C7: variants seen among roughly 807,000 people sequenced by gnomAD.
The protein encoded by C7 is complement component C7.
C7 carries 83 observed loss-of-function variants against 104.8 expected under a neutral mutation model. The observed-to-expected ratio is 0.79, with a 90% CI of 0.66 to 0.95. The LOEUF (loss-of-function observed/expected upper bound fraction) is 0.95. C7 is among the 40% of genes least tolerant of loss of function. The probability of loss-of-function intolerance (pLI) is 0.00; values close to 1 mark genes in which losing one functional copy is unlikely to be tolerated. For missense variants in C7, 1,070 were observed against 1,011.2 expected (o/e 1.06, Z -0.79); for synonymous variants, 415 against 360.6 (o/e 1.15, Z -1.71).
Position 40,962,170 on chromosome 5 carries a change from C to G in C7, c.1747C>G (p.Gln583Glu). 6.5e-7 allele frequency: 1 copy of G among 1,539,138 alleles called. No individual in the cohort carries two copies. ...TCCTGCCTTGAAAGATGGATTTGTT[C>G]AAGTTGGTTATGAAAGATATTTTTT... ...SPPALKDGFV[Q>E]DEGTMFPVGK... Residue 583 changes from glutamine to glutamate, a missense_variant and splice_region_variant, in exon 13 of 18, where the codon CAA becomes GAA. Transcript: ENST00000313164.
At chr5:40,959,822 AGGC>A (rs1322509432) in intron 12 of C7, among the ~76,000 whole-genome samples, 1 of 152,202 alleles carries the variant, frequency 6.6e-6, no homozygotes, top group Non-Finnish European at 1.5e-5. Flanking sequence ...GTGTTACAAA[AGGC>A]TGGGTAACTG....
At chr5:40,957,773 T>TGC (rs70988821) in intron 10 of C7, among the ~76,000 whole-genome samples, 1 of 150,686 alleles carries the variant, frequency 6.6e-6, no homozygotes, top group Admixed American at 6.6e-5. Flanking sequence ...TTTTTGTTTT[T>TGC]TTTTTTTTTA....
intron 2 of C7, among the ~76,000 whole-genome samples, chr5:40,929,526 C>T (rs939032710): frequency 6.6e-6 from 1 of 152,200 alleles, no homozygotes; most frequent in African/African-American, 2.4e-5. Context: ...TCATTACTTT[C>T]AGAGTAACCT....
chr5:40,974,386 C>CTTTT (rs1561260330), intron 15 of C7, among the ~76,000 whole-genome samples: 145 of 139,364 alleles, frequency 1.0e-3, no homozygotes, highest in African/African-American at 3.7e-3. Flanking sequence ...GTAATTCTAT[C>CTTTT]GTTTTTTTTT....
At chr5:40,916,264 C>G (rs187775732) in intron 1 of C7, among the ~76,000 whole-genome samples, 4 of 152,170 alleles carry the variant, frequency 2.6e-5, no homozygotes, top group Admixed American at 2.6e-4. Context: ...AATTTTGTAA[C>G]CTATCAGATC....
rs142088988 is a variant in C7, at chr5:40,915,435, G to A, written c.6+5819G>A. Among the ~76,000 whole-genome samples the A allele has an allele frequency of 7.6e-4, 115 of 152,262 alleles. 1 individual carries two copies. In the East Asian group the frequency reaches 0.021, roughly 28 times the overall value. On this transcript the variant is annotated intron_variant, in intron 1 of 17. Coordinates refer to ENST00000313164, the MANE Select transcript of C7 (RefSeq NM_000587.4). ...AAAATTGGAGGATAAATTGAAGTTT[G>A]AATATTATAATAGATTGTTTTCTGA...
Position 40,958,201 on chromosome 5 carries a change from T to G in C7, c.1429T>G (p.Cys477Gly), listed in dbSNP as rs1740341436. Residue 477 changes from cysteine to glycine, a missense_variant, in exon 11 of 18, where the codon TGC (cysteine) becomes GGC (glycine). Coordinates refer to ENST00000313164, the MANE Select transcript of C7 (RefSeq NM_000587.4). ...TVEGTHCLCHCKPYTFGAACE... is the reference protein window; with the variant it reads ...TVEGTHCLCHGKPYTFGAACE... ...TGAGGGGACCCATTGTCTGTGCCAT[T>G]GCAAACCGTACACATTTGGTGCGGC... The G allele has an allele frequency of 6.2e-7, 1 of 1,613,706 alleles. No homozygotes were observed.
At chr5:40,954,192 T>C (rs545064808) in intron 9 of C7, among the ~76,000 whole-genome samples, 17 of 152,312 alleles carry the variant, frequency 1.1e-4, no homozygotes, top group African/African-American at 3.6e-4. Context: ...ATTGTTAGTA[T>C]ACCAGATGCA....
chr5:40,921,764 T>C (rs77949753), intron 1 of C7, among the ~76,000 whole-genome samples: 26,274 of 152,090 alleles, frequency 0.17, 2,568 homozygotes, highest in East Asian at 0.32. Context: ...GGGCTGGGCA[T>C]GGTGGCTTAT....
At chr5:40,969,159 A>T (rs1458029311) in intron 14 of C7, among the ~76,000 whole-genome samples, 1 of 152,010 alleles carries the variant, frequency 6.6e-6, no homozygotes, top group East Asian at 1.9e-4. Flanking sequence ...AAATATTAAA[A>T]TTTTTCACTT....
chr5:40,915,688 C>T (rs533734599), intron 1 of C7, among the ~76,000 whole-genome samples: 14 of 152,142 alleles, frequency 9.2e-5, no homozygotes, highest in Non-Finnish European at 1.5e-5. Context: ...CCCCAAATAA[C>T]CTCCCCCAAC....
intron 14 of C7, chr5:40,972,157 C>T (rs1225213140): frequency 1.8e-6 from 1 of 549,306 alleles, no homozygotes; most frequent in Non-Finnish European, 3.3e-6. Flanking sequence ...TTTAAGTTGT[C>T]ACATTGTTTT....
Position 40,984,611 on chromosome 5 carries a change from G to A in C7, c.*3038G>A, listed in dbSNP as rs192686720. On this transcript the variant is annotated 3_prime_UTR_variant, in exon 18 of 18. Transcript: ENST00000313164. The stretch of plus-strand genomic sequence containing the variant: ...GTAATCACTTTTTCTTTCGGTCAAG[G>A]TATGTGTATTAATCAATATTTTTTG... Among the ~76,000 whole-genome samples, 116 of 152,294 alleles carry A rather than the reference G, an allele frequency of 7.6e-4. No homozygotes were observed. Among genetic ancestry groups the A allele is most frequent in the African/African-American group, 2.6e-3 (106 of 41,554 alleles).
At chr5:40,930,908 C>T (rs1739667952) in intron 2 of C7, among the ~76,000 whole-genome samples, 156 bp from the exon 3 acceptor site, 1 of 152,040 alleles carries the variant, frequency 6.6e-6, no homozygotes, top group South Asian at 2.1e-4. Flanking sequence ...AAGTGGGGCT[C>T]CCTCCATTTT....
chr5:40,956,030 A>G (rs1740284279), intron 10 of C7, among the ~76,000 whole-genome samples: 1 of 152,162 alleles, frequency 6.6e-6, no homozygotes, highest in South Asian at 2.1e-4. Context: ...CAATTCTTTT[A>G]TAATGCAACA....
At chr5:40,964,253 G>A (rs1740494560) in intron 13 of C7, among the ~76,000 whole-genome samples, 1 of 151,570 alleles carries the variant, frequency 6.6e-6, no homozygotes, top group Non-Finnish European at 1.5e-5. Context: ...ATGTTGGCCA[G>A]GCTGGTCTCG....
At chr5:40,932,067 A>G (rs1019048596) in intron 3 of C7, among the ~76,000 whole-genome samples, 2 of 152,142 alleles carry the variant, frequency 1.3e-5, no homozygotes, top group African/African-American at 2.4e-5. Flanking sequence ...CAATTCTACC[A>G]TTTAGAAGAA....
chr5:40,971,295 G>A (rs1247127093), intron 14 of C7, among the ~76,000 whole-genome samples: 1 of 152,172 alleles, frequency 6.6e-6, no homozygotes, highest in Non-Finnish European at 1.5e-5. Flanking sequence ...GCGTGAGATG[G>A]TATCTCATTG....
rs535983094 is a variant in C7, at chr5:40,961,695, A to G, written c.1662-390A>G. 1.4e-4 allele frequency among the ~76,000 whole-genome samples: 22 copies of G among 152,236 alleles called. No individual in the cohort carries two copies. The East Asian group carries it at 3.5e-3, about 24-fold the overall frequency. On this transcript the variant is annotated intron_variant, in intron 12 of 17. Transcript: ENST00000313164. ...GCTGTCGCATCTCGTCCAATACCTT[A>G]TTTTCAATACAGAATTAATTCTGTA... is the stretch of plus-strand genomic sequence containing the variant.
Sources: gnomAD v4.1 joint callset for allele counts (sites outside exome capture counted in the v4.1 genomes callset) on GRCh38, gnomAD v4.1.1 for gene constraint, MANE v1.5 for transcripts, NCBI Gene and HGNC (gene_info 2026-07-23, HGNC 2026-07-21) for gene names.